The following ANKIB1 variants were observed in gnomAD, a reference collection of about 807,000 sequenced individuals.
ANKIB1 encodes the protein ankyrin repeat and IBR domain-containing protein 1.
In ANKIB1, 43 loss-of-function variants were observed where a neutral mutation model predicts 122.1. The observed-to-expected ratio is 0.35, with a 90% confidence interval of 0.28 to 0.45. ANKIB1 has a LOEUF of 0.45. ANKIB1 is among the 20% of genes least tolerant of loss of function. The pLI is 1.00. For missense variants in ANKIB1, 992 were observed against 1,329.5 expected (o/e 0.75, Z 3.95); for synonymous variants, 390 against 442.0 (o/e 0.88, Z 1.48).
chr7:92,316,211 G>A (rs1184677692), intron 3 of ANKIB1, among the ~76,000 whole-genome samples: 1 of 151,922 alleles, frequency 6.6e-6, no homozygotes, highest in East Asian at 1.9e-4. Context: ...TTTGAGACTG[G>A]GAAAGCAGAT....
chr7:92,338,648 A>G (rs1198127956), intron 5 of ANKIB1, among the ~76,000 whole-genome samples: 2 of 151,616 alleles, frequency 1.3e-5, no homozygotes, highest in Admixed American at 6.6e-5. Flanking sequence ...GTGGTGGCTC[A>G]TGCCTGTAAT....
At chr7:92,312,614 A>G (rs1287479747) in intron 3 of ANKIB1, among the ~76,000 whole-genome samples, 1 of 152,180 alleles carries the variant, frequency 6.6e-6, no homozygotes, top group Non-Finnish European at 1.5e-5. Flanking sequence ...ATTCTTTTCA[A>G]TCATTTGAAA....
At chr7:92,380,840 G>T (rs141965595) in intron 11 of ANKIB1, among the ~76,000 whole-genome samples, 2 of 152,152 alleles carry the variant, frequency 1.3e-5, no homozygotes, top group Non-Finnish European at 2.9e-5. Flanking sequence ...AAACCAGAGC[G>T]CCCCATCTCC....
At chr7:92,347,942 C>T (rs759952805) in intron 7 of ANKIB1, 2 of 436,166 alleles carry the variant, frequency 4.6e-6, no homozygotes, top group South Asian at 1.7e-5. Context: ...TATCATATTC[C>T]TAAGCATTGT....
In ANKIB1 at chr7:92,322,016, C is replaced by T. The variant is rs1423436548; in HGVS notation, c.669+2504C>T. Among the ~76,000 whole-genome samples, 5 of 152,222 alleles carry T rather than the reference C, an allele frequency of 3.3e-5. No individual in the cohort carries two copies. The Middle Eastern group carries it at 0.017, about 518-fold the overall frequency. ...ACTAGAAAATAACTGAATAACTTGCCAGAATCAAAGTGAGCTGAACTTGAT... is the reference window on the plus strand; with the variant it reads ...ACTAGAAAATAACTGAATAACTTGCTAGAATCAAAGTGAGCTGAACTTGAT... On this transcript the variant is annotated intron_variant, in intron 4 of 19. Coordinates refer to ENST00000265742, the MANE Select transcript of ANKIB1 (RefSeq NM_019004.2).
intron 9 of ANKIB1, among the ~76,000 whole-genome samples, chr7:92,359,592 T>C (rs946530096): frequency 5.3e-5 from 8 of 152,196 alleles, no homozygotes; most frequent in Non-Finnish European, 8.8e-5. Context: ...TACCCAGTAA[T>C]GGGATTGCTG....
chr7:92,298,823 G>A (rs1802406673), intron 2 of ANKIB1, among the ~76,000 whole-genome samples: 1 of 146,078 alleles, frequency 6.8e-6, no homozygotes, highest in East Asian at 2.0e-4. Context: ...GATTAAAGCA[G>A]TAAAATTAAT....
In ANKIB1 at chr7:92,398,908, C is replaced by G. The variant is rs142323633; in HGVS notation, c.3229C>G (p.Gln1077Glu). The G allele has an allele frequency of 5.5e-4, 886 of 1,599,572 alleles. 9 individuals are homozygous for G. In the East Asian group the frequency reaches 0.013, roughly 24 times the overall value. Residue 1077 changes from glutamine (Q) to glutamate (E), a missense_variant, in exon 20 of 20, where the codon CAA becomes GAA. By Grantham distance (29) the Gln-to-Glu change is conservative. Around this residue, in one of 4 missense-constraint regions of ANKIB1, gnomAD observed 384 missense variants for 412.0 expected, o/e 0.93. Coordinates refer to ENST00000265742, the MANE Select transcript of ANKIB1 (RefSeq NM_019004.2). ...TTCAGATGTTTCAAGTCAAACACCT[C>G]AAACCTCAAGTGACTGGCTTGAACA... ...DGSDVSSQTP[Q>E]TSSDWLEQVH...
intron 1 of ANKIB1, among the ~76,000 whole-genome samples, chr7:92,280,172 T>C (rs1801987424): frequency 6.6e-6 from 1 of 152,200 alleles, no homozygotes; most frequent in Admixed American, 6.5e-5. Context: ...ATTGGGATGA[T>C]CCCTCTAGCA....
intron 9 of ANKIB1, among the ~76,000 whole-genome samples, chr7:92,355,111 A>G (rs1010060379): frequency 6.6e-6 from 1 of 152,214 alleles, no homozygotes; most frequent in Non-Finnish European, 1.5e-5. Context: ...ACCTGTTCAC[A>G]AAGTTCCATG....
intron 1 of ANKIB1, among the ~76,000 whole-genome samples, chr7:92,267,412 A>G (rs150338718): frequency 5.0e-4 from 76 of 152,290 alleles, no homozygotes; most frequent in South Asian, 1.5e-3. Flanking sequence ...AAGAGTGACT[A>G]TTATCATGAC....
intron 1 of ANKIB1, among the ~76,000 whole-genome samples, chr7:92,260,932 A>G (rs1801548721): frequency 6.6e-6 from 1 of 152,208 alleles, no homozygotes; most frequent in Admixed American, 6.5e-5. Context: ...TCCTCTGAGA[A>G]GTACACTTGA....
At chr7:92,314,481 G>C (rs1802752581) in intron 3 of ANKIB1, among the ~76,000 whole-genome samples, 1 of 152,126 alleles carries the variant, frequency 6.6e-6, no homozygotes, top group African/African-American at 2.4e-5. Flanking sequence ...TCAGTCACCT[G>C]AGAACTTGTT....
At chr7:92,387,721 T>C (rs1804690285) in intron 12 of ANKIB1, 77 bp from the exon 13 acceptor site, 3 of 1,104,126 alleles carry the variant, frequency 2.7e-6, no homozygotes, top group Non-Finnish European at 3.9e-6. Context: ...AATAAAACTT[T>C]TAAATGATTC....
rs189396668 is a variant in ANKIB1 at position 92,329,610 on chromosome 7, C to T, written c.787+1710C>T. On this transcript the variant is annotated intron_variant, in intron 5 of 19. Coordinates refer to ENST00000265742, the MANE Select transcript of ANKIB1 (RefSeq NM_019004.2). ...ATTTCTAAAAGCCTATTATTTCTCA[C>T]AATCTATGGATGATCACAGCTGGAC... 2.6e-5 allele frequency among the ~76,000 whole-genome samples: 4 copies of T among 152,276 alleles called. No homozygotes were observed. The East Asian group carries it at 7.7e-4, about 29-fold the overall frequency.
chr7:92,355,308 T>C (rs1260342383), intron 9 of ANKIB1, among the ~76,000 whole-genome samples: 1 of 152,210 alleles, frequency 6.6e-6, no homozygotes, highest in Non-Finnish European at 1.5e-5. Flanking sequence ...CTTCTCTGTC[T>C]TCTGAACTGA....
intron 10 of ANKIB1, among the ~76,000 whole-genome samples, chr7:92,370,776 A>T (rs1324361759): frequency 1.3e-5 from 2 of 152,280 alleles, no homozygotes; most frequent in South Asian, 2.1e-4. Flanking sequence ...AGAGATTTTT[A>T]AAAAATCACT....
At chr7:92,275,024 C>T (rs1377529980) in intron 1 of ANKIB1, among the ~76,000 whole-genome samples, 1 of 152,066 alleles carries the variant, frequency 6.6e-6, no homozygotes, top group African/African-American at 2.4e-5. Flanking sequence ...TGTTCTTTAA[C>T]AAAAAGTAGG....
At chr7:92,375,104 A>G (rs939785148) in intron 11 of ANKIB1, among the ~76,000 whole-genome samples, 1 of 152,186 alleles carries the variant, frequency 6.6e-6, no homozygotes, top group Non-Finnish European at 1.5e-5. Flanking sequence ...TAAAGTACAT[A>G]CCTTAATTTA....
Sources: allele counts gnomAD v4.1 joint callset (sites outside exome capture counted in the v4.1 genomes callset), GRCh38; gene constraint gnomAD v4.1.1; regional missense constraint gnomAD v4.1.1; transcripts MANE v1.5; gene names NCBI Gene and HGNC (gene_info 2026-07-23, HGNC 2026-07-21).